Variants in PPP1R9A observed in about 807,000 individuals in gnomAD.
PPP1R9A encodes protein phosphatase 1 regulatory subunit 9A, also known as neurabin-1.
A neutral mutation model predicts 141.9 loss-of-function variants in PPP1R9A; 59 were observed. The observed-to-expected ratio is 0.42, with a 90% CI of 0.34 to 0.52. The LOEUF (loss-of-function observed/expected upper bound fraction) is 0.52. PPP1R9A is among the 20% of genes least tolerant of loss of function. The pLI is 0.10. For synonymous variants in PPP1R9A, 500 were observed against 569.7 expected (o/e 0.88, Z 1.74); for missense variants, 1,444 against 1,611.9 (o/e 0.90, Z 1.78).
intron 4 of PPP1R9A, among the ~76,000 whole-genome samples, chr7:95,158,228 T>C (rs1233753440): frequency 6.6e-6 from 1 of 152,238 alleles, no homozygotes; most frequent in Admixed American, 6.5e-5. Context: ...TGGACTCTAT[T>C]AAATGTTGTT....
intron 5 of PPP1R9A, among the ~76,000 whole-genome samples, chr7:95,162,327 TA>T (rs1159412740): frequency 1.3e-5 from 2 of 152,186 alleles, no homozygotes; most frequent in Non-Finnish European, 2.9e-5. Flanking sequence ...TGATTATACA[TA>T]TATTCAATTT....
chr7:95,029,656 A>G (rs1442663735), intron 2 of PPP1R9A, among the ~76,000 whole-genome samples: 4 of 152,196 alleles, frequency 2.6e-5, no homozygotes, highest in Non-Finnish European at 2.9e-5. Context: ...GGAGACTTAT[A>G]TCATGCTACT....
Position 94,911,431 on chromosome 7 carries a change from T to G in PPP1R9A, c.1318T>G (p.Ser440Ala). The G allele has an allele frequency of 6.2e-7, 1 of 1,613,908 alleles. No individual in the cohort carries two copies. Among genetic ancestry groups the G allele is most frequent in the South Asian group, 1.1e-5 (1 of 91,086 alleles). The change falls in exon 2 of 20, where the codon TCG becomes GCG. Residue 440 changes from serine (S) to alanine (A), a missense_variant. By Grantham distance (99) the Ser-to-Ala change is moderately conservative (BLOSUM62 1). Coordinates refer to ENST00000433360, the MANE Select transcript of PPP1R9A (RefSeq NM_001166160.2). ...NSYYQPDMEYSEIVGLPEEEE... is the reference protein window; with the variant it reads ...NSYYQPDMEYAEIVGLPEEEE... ...TTACTATCAGCCTGATATGGAGTAC[T>G]CGGAAATTGTTGGATTGCCAGAAGA...
intron 7 of PPP1R9A, among the ~76,000 whole-genome samples, chr7:95,205,029 ACACT>A (rs1392889184): frequency 2.6e-5 from 4 of 151,092 alleles, no homozygotes; most frequent in Non-Finnish European, 5.9e-5. Context: ...ACACACACAC[ACACT>A]CACTCTGATC....
chr7:95,216,935 T>A (rs898998962), intron 7 of PPP1R9A, among the ~76,000 whole-genome samples: 1 of 152,180 alleles, frequency 6.6e-6, no homozygotes, highest in African/African-American at 2.4e-5. Context: ...TGACTTCCTC[T>A]TTTCCTCATT....
chr7:95,132,423 C>T (rs1824821485), intron 4 of PPP1R9A, among the ~76,000 whole-genome samples: 1 of 152,088 alleles, frequency 6.6e-6, no homozygotes, highest in African/African-American at 2.4e-5. Flanking sequence ...TAAAATTTTT[C>T]CCTGTCTGAG....
intron 5 of PPP1R9A, among the ~76,000 whole-genome samples, chr7:95,189,854 C>T (rs1413238087): frequency 6.6e-6 from 1 of 152,078 alleles, no homozygotes; most frequent in Admixed American, 6.5e-5. Flanking sequence ...TTTTCCAGTG[C>T]CTTTTTTTAT....
intron 2 of PPP1R9A, among the ~76,000 whole-genome samples, chr7:95,080,151 C>T (rs1275252817): frequency 1.3e-5 from 2 of 152,080 alleles, no homozygotes; most frequent in Non-Finnish European, 2.9e-5. Context: ...TCAAATTGTC[C>T]CTGTTTGCAG....
intron 4 of PPP1R9A, among the ~76,000 whole-genome samples, chr7:95,127,448 T>C (rs2152509966): frequency 6.6e-6 from 1 of 152,232 alleles, no homozygotes; most frequent in African/African-American, 2.4e-5. Flanking sequence ...CTATCGTTAC[T>C]GTTTCTGTTG....
chr7:95,087,061 G>A (rs1312889508), intron 2 of PPP1R9A, among the ~76,000 whole-genome samples: 1 of 146,898 alleles, frequency 6.8e-6, no homozygotes, highest in African/African-American at 2.7e-5. Flanking sequence ...CTAAAAAAAA[G>A]AAAGAGAGAG....
chr7:95,144,604 G>T (rs1827278209), intron 4 of PPP1R9A, among the ~76,000 whole-genome samples: 1 of 152,094 alleles, frequency 6.6e-6, no homozygotes, highest in Non-Finnish European at 1.5e-5. Context: ...GCACAATAAA[G>T]TCCACATATG....
At chr7:94,987,713 C>G (rs1801018556) in intron 2 of PPP1R9A, among the ~76,000 whole-genome samples, 1 of 152,050 alleles carries the variant, frequency 6.6e-6, no homozygotes, top group Non-Finnish European at 1.5e-5. Flanking sequence ...AATTTGTACA[C>G]TATTATGTAT....
Position 94,914,365 on chromosome 7 carries a change from T to C in PPP1R9A, c.1395+2857T>C, listed in dbSNP as rs145316858. On this transcript the variant is annotated intron_variant, in intron 2 of 19. Coordinates refer to ENST00000433360, the MANE Select transcript of PPP1R9A (RefSeq NM_001166160.2). ...ATATTTCCATAAGATGTCTTAAATCTGGACTTAGAAAAACATCAGAATAAT... is the reference window on the plus strand; with the variant it reads ...ATATTTCCATAAGATGTCTTAAATCCGGACTTAGAAAAACATCAGAATAAT... Among the ~76,000 whole-genome samples the C allele has an allele frequency of 6.5e-3, 985 of 152,304 alleles. 12 individuals are homozygous for C. The highest frequency in any genetic ancestry group is 0.023 in the African/African-American group (940 of 41,570).
intron 2 of PPP1R9A, among the ~76,000 whole-genome samples, chr7:94,944,088 T>C (rs948722257): frequency 3.3e-5 from 5 of 152,122 alleles, no homozygotes; most frequent in African/African-American, 1.2e-4. Flanking sequence ...ATGTATACAA[T>C]CCCTAGTGAT....
At chr7:95,023,063 C>T (rs926067371) in intron 2 of PPP1R9A, among the ~76,000 whole-genome samples, 3 of 152,136 alleles carry the variant, frequency 2.0e-5, no homozygotes, top group Non-Finnish European at 2.9e-5. Context: ...GTACCAGCTC[C>T]TCTTTGTACC....
At chr7:95,196,398 T>A (rs891989200) in intron 5 of PPP1R9A, among the ~76,000 whole-genome samples, 3 of 152,300 alleles carry the variant, frequency 2.0e-5, no homozygotes, top group African/African-American at 7.2e-5. Flanking sequence ...TACTATTACT[T>A]CGAAAAACAA....
At chr7:95,208,560 T>TA (rs1791339502) in intron 7 of PPP1R9A, among the ~76,000 whole-genome samples, 1 of 151,516 alleles carries the variant, frequency 6.6e-6, no homozygotes, top group East Asian at 1.9e-4. Flanking sequence ...CCGTCTTTAC[T>TA]AAAAATGCAA....
At chr7:95,248,185 T>A (rs1010888527) in intron 9 of PPP1R9A, among the ~76,000 whole-genome samples, 1 of 53,434 alleles carries the variant, frequency 1.9e-5, no homozygotes, top group African/African-American at 7.4e-5. Context: ...ATTTCAAAGA[T>A]TTAAAAATAT....
chr7:94,960,608 C>T (rs1349940393), intron 2 of PPP1R9A, among the ~76,000 whole-genome samples: 1 of 151,660 alleles, frequency 6.6e-6, no homozygotes, highest in Non-Finnish European at 1.5e-5. Flanking sequence ...AAATTGATTT[C>T]ATTCTTACCA....
Sources: gnomAD v4.1 joint callset for allele counts (sites outside exome capture counted in the v4.1 genomes callset) on GRCh38, gnomAD v4.1.1 for gene constraint, MANE v1.5 for transcripts, NCBI Gene and HGNC (gene_info 2026-07-23, HGNC 2026-07-21) for gene names.